GRIN2A: variants seen among roughly 807,000 people sequenced by gnomAD.
The protein encoded by GRIN2A is glutamate receptor ionotropic, NMDA 2A.
In GRIN2A, 22 loss-of-function variants were observed where a neutral mutation model predicts 113.4. The ratio of observed to expected loss-of-function variants is 0.19; its 90% CI spans 0.14 to 0.28. The LOEUF (loss-of-function observed/expected upper bound fraction) is 0.28, where lower values mean the gene tolerates loss of function less well. Ranked by LOEUF, GRIN2A falls within the 10% of genes least tolerant of loss-of-function variation. The probability of loss-of-function intolerance (pLI) is 1.00; values close to 1 mark genes in which losing one functional copy is unlikely to be tolerated. For missense variants in GRIN2A, 1,502 were observed against 1,887.0 expected (o/e 0.80, Z 3.78); for synonymous variants, 827 against 738.4 (o/e 1.12, Z -1.94).
At chr16:9,822,175 G>A in intron 10 of GRIN2A, 89 bp downstream of exon 10, 2 of 1,294,908 alleles carry the variant, frequency 1.5e-6, no homozygotes, top group South Asian at 1.2e-5. Context: ...TACAATGGGA[G>A]CAGATAGGAA....
chr16:10,146,867 A>T (rs1030807714), intron 2 of GRIN2A, among the ~76,000 whole-genome samples: 15 of 151,850 alleles, frequency 9.9e-5, no homozygotes, highest in African/African-American at 3.6e-4. Context: ...GAAGCAAGAG[A>T]CCTTGATAGT....
chr16:9,864,051 T>A (rs1432970237), intron 4 of GRIN2A, among the ~76,000 whole-genome samples: 2 of 152,226 alleles, frequency 1.3e-5, no homozygotes, highest in Non-Finnish European at 2.9e-5. Flanking sequence ...CAGTGATAAC[T>A]ATTATTATTT....
intron 10 of GRIN2A, among the ~76,000 whole-genome samples, chr16:9,799,968 TA>T (rs1467445262): frequency 4.1e-4 from 27 of 65,698 alleles, no homozygotes; most frequent in African/African-American, 1.9e-3. Context: ...GCCTAAATAT[TA>T]TTATTATTAT....
At chr16:9,912,459 A>T (rs1057379187) in intron 3 of GRIN2A, among the ~76,000 whole-genome samples, 5 of 144,516 alleles carry the variant, frequency 3.5e-5, no homozygotes, top group African/African-American at 1.3e-4. Flanking sequence ...TGAAGCTGCA[A>T]AAGGAATAAT....
intron 3 of GRIN2A, among the ~76,000 whole-genome samples, chr16:9,917,799 T>G (rs975628520): frequency 2.6e-5 from 4 of 152,198 alleles, no homozygotes; most frequent in Non-Finnish European, 5.9e-5. Flanking sequence ...CTCCACAATT[T>G]CAACACGTCC....
chr16:10,125,556 T>C (rs2048915300), intron 2 of GRIN2A, among the ~76,000 whole-genome samples: 1 of 149,606 alleles, frequency 6.7e-6, no homozygotes, highest in South Asian at 2.1e-4. Context: ...GCAGAGATTC[T>C]CCTACAGCAA....
chr16:9,903,254 C>T (rs1380017706), intron 3 of GRIN2A, among the ~76,000 whole-genome samples: 1 of 152,126 alleles, frequency 6.6e-6, no homozygotes, highest in Non-Finnish European at 1.5e-5. Flanking sequence ...AGGCGTGAGT[C>T]ACCGTGCCCG....
chr16:10,175,510 ATTT>A (rs1209653740), intron 2 of GRIN2A, among the ~76,000 whole-genome samples: 2 of 152,218 alleles, frequency 1.3e-5, no homozygotes, highest in Non-Finnish European at 2.9e-5. Flanking sequence ...TTGGAGAGAG[ATTT>A]TTATCTTCTT....
intron 4 of GRIN2A, among the ~76,000 whole-genome samples, chr16:9,875,979 C>A: frequency 6.6e-6 from 1 of 152,144 alleles, no homozygotes; most frequent in East Asian, 1.9e-4. Flanking sequence ...GGTAGAAGAG[C>A]TGAGGCAGGA....
intron 2 of GRIN2A, among the ~76,000 whole-genome samples, chr16:10,175,602 G>C (rs112127154): frequency 5.3e-4 from 80 of 152,274 alleles, no homozygotes; most frequent in African/African-American, 1.6e-3. Context: ...AGAAGCATTT[G>C]TCATGTCAAA....
chr16:9,860,065 G>C (rs1438265665), intron 4 of GRIN2A, among the ~76,000 whole-genome samples: 1 of 151,910 alleles, frequency 6.6e-6, no homozygotes, highest in African/African-American at 2.4e-5. Context: ...AATGAAGTGA[G>C]ACAAATGCTA....
At chr16:10,080,204 T>A (rs897131856) in intron 2 of GRIN2A, among the ~76,000 whole-genome samples, 2 of 152,336 alleles carry the variant, frequency 1.3e-5, no homozygotes, top group African/African-American at 4.8e-5. Flanking sequence ...AGGTCCCCTG[T>A]TAAGTTTCTT....
chr16:9,863,298 G>A (rs919524246), intron 4 of GRIN2A, among the ~76,000 whole-genome samples: 7 of 152,302 alleles, frequency 4.6e-5, no homozygotes, highest in East Asian at 1.9e-4. Flanking sequence ...CCAGGTTCTC[G>A]CCCCAATATG....
intron 2 of GRIN2A, among the ~76,000 whole-genome samples, chr16:10,079,806 A>G (rs1211873897): frequency 2.6e-5 from 4 of 152,204 alleles, no homozygotes. Flanking sequence ...GAAAGCAGGA[A>G]AGAGCTTGGC....
intron 2 of GRIN2A, among the ~76,000 whole-genome samples, chr16:10,056,696 T>C (rs549049239): frequency 4.8e-4 from 73 of 152,088 alleles, no homozygotes; most frequent in Non-Finnish European, 7.8e-4. Flanking sequence ...CACATAAATA[T>C]GGAAACAGAG....
chr16:10,025,316 T>TGAGATGGGG (rs2046799968), intron 2 of GRIN2A, among the ~76,000 whole-genome samples: 2 of 108,514 alleles, frequency 1.8e-5, no homozygotes, highest in Non-Finnish European at 4.3e-5. Flanking sequence ...TTTTTTTTTT[T>TGAGATGGGG]TTTTGAGATG....
At chr16:10,136,362 A>G (rs2442098) in intron 2 of GRIN2A, among the ~76,000 whole-genome samples, 106,529 of 152,052 alleles carry the variant, frequency 0.7, 37,618 homozygotes, top group East Asian at 0.92. Context: ...ATAGCAACAA[A>G]AACTTCAAGG....
At chr16:9,974,896 T>C (rs2045745409) in intron 2 of GRIN2A, among the ~76,000 whole-genome samples, 1 of 152,200 alleles carries the variant, frequency 6.6e-6, no homozygotes, top group African/African-American at 2.4e-5. Flanking sequence ...AGTGGTGAGA[T>C]TGAACATCTT....
intron 2 of GRIN2A, among the ~76,000 whole-genome samples, chr16:9,962,952 T>C (rs2045472198): frequency 6.6e-6 from 1 of 151,928 alleles, no homozygotes; most frequent in Non-Finnish European, 1.5e-5. Flanking sequence ...TAAAATAGGA[T>C]GAGTTCATGT....
Sources: allele counts gnomAD v4.1 joint callset (sites outside exome capture counted in the v4.1 genomes callset), GRCh38; gene constraint gnomAD v4.1.1; transcripts MANE v1.5; gene names NCBI Gene and HGNC (gene_info 2026-07-23, HGNC 2026-07-21).